The following LMBR1 variants were observed in gnomAD, a reference collection of about 807,000 sequenced individuals.
LMBR1 encodes limb development membrane protein 1.
A neutral mutation model predicts 73.9 loss-of-function variants in LMBR1; 52 were observed. The ratio of observed to expected loss-of-function variants is 0.70; its 90% CI spans 0.56 to 0.89. The LOEUF (loss-of-function observed/expected upper bound fraction) is 0.89, where lower values mean the gene tolerates loss of function less well. Among genes scored for constraint, LMBR1 ranks in the 40% least tolerant of loss-of-function variants. The pLI is 0.00. For synonymous variants in LMBR1, 215 were observed against 209.4 expected (o/e 1.03, Z -0.23); for missense variants, 539 against 579.8 (o/e 0.93, Z 0.72).
At chr7:156,881,819 AAAG>A (rs536211069) in intron 1 of LMBR1, among the ~76,000 whole-genome samples, 1 of 152,150 alleles carries the variant, frequency 6.6e-6, no homozygotes, top group Non-Finnish European at 1.5e-5. Context: ...AAAAAAAAAA[AAAG>A]AAGACGACAA....
Position 156,692,082 on chromosome 7 carries a change from C to CT in LMBR1, c.1226-3892dup, listed in dbSNP as rs909078086. ...GATGCTGTTGAAGCAAACGCTTTACCTTTTTTTTTTGAGATGGAGTTTTGC... is the reference window on the plus strand; with the variant it reads ...GATGCTGTTGAAGCAAACGCTTTACCTTTTTTTTTTTGAGATGGAGTTTTGC... On this transcript the variant is annotated intron_variant, in intron 15 of 16. Coordinates refer to ENST00000353442, the MANE Select transcript of LMBR1 (RefSeq NM_022458.4). 3.5e-4 allele frequency among the ~76,000 whole-genome samples: 52 copies of CT among 149,030 alleles called. 1 individual carries two copies. Among genetic ancestry groups the CT allele is most frequent in the East Asian group, 1.4e-3 (7 of 5,090 alleles).
intron 5 of LMBR1, among the ~76,000 whole-genome samples, chr7:156,768,431 C>T (rs1426731210): frequency 6.6e-6 from 1 of 152,000 alleles, no homozygotes; most frequent in African/African-American, 2.4e-5. Context: ...CATGTTTATG[C>T]AAATTTGATA....
intron 9 of LMBR1, among the ~76,000 whole-genome samples, chr7:156,747,585 A>G (rs1015381997): frequency 3.3e-5 from 5 of 152,144 alleles, no homozygotes; most frequent in Admixed American, 3.3e-4. Flanking sequence ...TTATCTCCCT[A>G]AACAATTCAG....
At chr7:156,689,187 T>C (rs569227996) in intron 15 of LMBR1, among the ~76,000 whole-genome samples, 4 of 152,188 alleles carry the variant, frequency 2.6e-5, no homozygotes, top group Admixed American at 2.0e-4. Flanking sequence ...CACTGACAGA[T>C]AAATAAATCA....
chr7:156,794,475 T>C (rs1454239541), intron 5 of LMBR1, among the ~76,000 whole-genome samples: 1 of 152,178 alleles, frequency 6.6e-6, no homozygotes, highest in Non-Finnish European at 1.5e-5. Context: ...TTCTGGAGAT[T>C]GTTGCTAATT....
intron 1 of LMBR1, among the ~76,000 whole-genome samples, chr7:156,864,755 G>C (rs948909541): frequency 1.3e-5 from 2 of 152,078 alleles, no homozygotes; most frequent in Admixed American, 1.3e-4. Context: ...TCAGCACTTT[G>C]GGAGGCCCGA....
chr7:156,742,910 T>G (rs9791445), intron 9 of LMBR1, among the ~76,000 whole-genome samples: 112,000 of 152,078 alleles, frequency 0.74, 42,169 homozygotes, highest in African/African-American at 0.91. Context: ...ATGATGAAGT[T>G]GGATTTATCC....
intron 4 of LMBR1, chr7:156,823,723 A>G (rs1016191844): frequency 6.6e-6 from 1 of 152,260 alleles, no homozygotes; most frequent in African/African-American, 2.4e-5. Context: ...ATGGTTTTGA[A>G]GAACATAAAA....
At chr7:156,792,590 C>T (rs947176723) in intron 5 of LMBR1, among the ~76,000 whole-genome samples, 12 of 152,206 alleles carry the variant, frequency 7.9e-5, no homozygotes, top group African/African-American at 2.9e-4. Flanking sequence ...ACACACACCG[C>T]TGCCACGGTA....
At chr7:156,770,773 G>T (rs1386210538) in intron 5 of LMBR1, among the ~76,000 whole-genome samples, 2 of 152,054 alleles carry the variant, frequency 1.3e-5, no homozygotes, top group Non-Finnish European at 2.9e-5. Flanking sequence ...AATGAGATGG[G>T]CATGGAAGCA....
intron 1 of LMBR1, among the ~76,000 whole-genome samples, chr7:156,842,870 T>G (rs900011799): frequency 8.5e-5 from 13 of 152,154 alleles, no homozygotes; most frequent in African/African-American, 2.9e-4. Context: ...CAAGAAATAC[T>G]AGAAGCTTGA....
At chr7:156,884,998 CT>C (rs1801653629) in intron 1 of LMBR1, among the ~76,000 whole-genome samples, 1 of 152,220 alleles carries the variant, frequency 6.6e-6, no homozygotes, top group Non-Finnish European at 1.5e-5. Context: ...ATCTCCCCAC[CT>C]CCCATTTGGC....
intron 4 of LMBR1, among the ~76,000 whole-genome samples, chr7:156,818,662 C>T (rs1834297310): frequency 6.6e-6 from 1 of 152,076 alleles, no homozygotes; most frequent in Non-Finnish European, 1.5e-5. Context: ...GGTGTGCAAC[C>T]ACCACCTTTA....
chr7:156,768,158 G>T (rs1161457365), intron 5 of LMBR1, among the ~76,000 whole-genome samples: 1 of 152,092 alleles, frequency 6.6e-6, no homozygotes, highest in Non-Finnish European at 1.5e-5. Context: ...GGCCAAGGGG[G>T]ATGGATCCCT....
At chr7:156,676,160 T>C, downstream of LMBR1, 2 of 1,125,988 alleles carry the variant, frequency 1.8e-6, no homozygotes, top group Non-Finnish European at 1.2e-6. Flanking sequence ...TTTGAAATTC[T>C]GGAAGTTCCT....
intron 4 of LMBR1, among the ~76,000 whole-genome samples, chr7:156,826,101 T>A (rs1185243201): frequency 6.6e-6 from 1 of 152,212 alleles, no homozygotes; most frequent in Non-Finnish European, 1.5e-5. Flanking sequence ...TGCCTCAGCC[T>A]CCCAAGTAGC....
intron 10 of LMBR1, among the ~76,000 whole-genome samples, chr7:156,731,390 G>T (rs1303006518): frequency 6.6e-6 from 1 of 152,052 alleles, no homozygotes; most frequent in Non-Finnish European, 1.5e-5. Context: ...ATAGATAAAA[G>T]ACATCAAGCC....
chr7:156,741,438 T>G (rs2132594243), intron 9 of LMBR1, among the ~76,000 whole-genome samples: 1 of 152,142 alleles, frequency 6.6e-6, no homozygotes, highest in East Asian at 1.9e-4. Flanking sequence ...ACGAATAGAT[T>G]GAAAATAAAG....
intron 4 of LMBR1, among the ~76,000 whole-genome samples, chr7:156,802,413 G>C (rs1027971896): frequency 6.6e-6 from 1 of 152,150 alleles, no homozygotes; most frequent in Non-Finnish European, 1.5e-5. Context: ...ACAGTGCTGA[G>C]TAATCAATAA....
Sources: gnomAD v4.1 joint callset for allele counts (sites outside exome capture counted in the v4.1 genomes callset) on GRCh38, gnomAD v4.1.1 for gene constraint, MANE v1.5 for transcripts, NCBI Gene and HGNC (gene_info 2026-07-23, HGNC 2026-07-21) for gene names.